The following TRMT11 variants were observed in gnomAD, a reference collection of about 807,000 sequenced individuals.
The protein encoded by TRMT11 is tRNA (guanine(10)-N(2))-methyltransferase TRMT11.
Under a neutral mutation model 62.8 loss-of-function variants are expected in TRMT11, and 53 were observed. That is an observed-to-expected ratio of 0.84 (90% CI 0.68 to 1.06). TRMT11 has a LOEUF of 1.06. TRMT11 is among the 50% of genes least tolerant of loss of function. The pLI is 0.00. For synonymous variants in TRMT11, 188 were observed against 190.3 expected, an observed-to-expected ratio of 0.99 and a Z score of 0.10; for missense variants, 556 against 553.4, an observed-to-expected ratio of 1.00 and a Z score of -0.05.
At chr6:126,262,226 A>G in the TRMT11 span, among the ~76,000 whole-genome samples, 1 of 152,162 alleles carries the variant, frequency 6.6e-6, no homozygotes, top group Non-Finnish European at 1.5e-5. Context: ...AGGGAAGCAG[A>G]GCCGCTGCAG....
chr6:126,058,496 G>A (rs1482257271), intron 17 of TRMT11, among the ~76,000 whole-genome samples: 4 of 152,110 alleles, frequency 2.6e-5, no homozygotes, highest in East Asian at 1.9e-4. Context: ...GGGTCAAATG[G>A]TATTTCTAGT....
the TRMT11 span, among the ~76,000 whole-genome samples, chr6:126,209,442 C>T: frequency 7.9e-5 from 12 of 151,876 alleles, no homozygotes; most frequent in Admixed American, 2.6e-4. Context: ...TGGTGTAGGC[C>T]GGGCGCGGTG....
intron 17 of TRMT11, among the ~76,000 whole-genome samples, chr6:126,098,024 C>G (rs1489424489): frequency 6.6e-6 from 1 of 152,146 alleles, no homozygotes; most frequent in Non-Finnish European, 1.5e-5. Flanking sequence ...TTCCAGAACA[C>G]TAACTGGAAG....
intron 16 of TRMT11, among the ~76,000 whole-genome samples, chr6:126,052,462 A>G (rs1469366642): frequency 2.0e-5 from 3 of 152,170 alleles, no homozygotes; most frequent in Admixed American, 1.3e-4. Context: ...AGGCCAGAAT[A>G]TGGGGAAATT....
At chr6:126,022,106 C>T (rs947477127) in intron 12 of TRMT11, among the ~76,000 whole-genome samples, 1 of 120,902 alleles carries the variant, frequency 8.3e-6, no homozygotes, top group African/African-American at 3.2e-5. Context: ...TTCACCCAGG[C>T]AATCTCGGCT....
intron 17 of TRMT11, among the ~76,000 whole-genome samples, chr6:126,082,364 AAT>A (rs1777166855): frequency 6.6e-6 from 1 of 152,086 alleles, no homozygotes; most frequent in Non-Finnish European, 1.5e-5. Context: ...TTAAAATACT[AAT>A]ATTATATATT....
intron 21 of TRMT11, among the ~76,000 whole-genome samples, chr6:126,171,099 A>G (rs933870038): frequency 1.3e-5 from 2 of 152,164 alleles, no homozygotes; most frequent in Admixed American, 6.5e-5. Flanking sequence ...AGTAATTACT[A>G]TGGAAAGAGG....
the TRMT11 span, among the ~76,000 whole-genome samples, chr6:126,217,517 T>G: frequency 6.6e-6 from 1 of 152,200 alleles, no homozygotes; most frequent in Non-Finnish European, 1.5e-5. Context: ...GGGATGGTCT[T>G]GGATAAGATC....
intron 17 of TRMT11, among the ~76,000 whole-genome samples, chr6:126,053,443 C>T (rs533940064): frequency 6.6e-6 from 1 of 152,318 alleles, no homozygotes; most frequent in South Asian, 2.1e-4. Context: ...TCTATTTCCT[C>T]TTTTATACAG....
chr6:126,077,841 G>C (rs1410558459), intron 17 of TRMT11, among the ~76,000 whole-genome samples: 1 of 152,120 alleles, frequency 6.6e-6, no homozygotes, highest in African/African-American at 2.4e-5. Flanking sequence ...TAAGTTGTGT[G>C]GCACAGACTA....
intron 17 of TRMT11, among the ~76,000 whole-genome samples, chr6:126,075,549 A>G (rs1776997688): frequency 6.6e-6 from 1 of 151,364 alleles, no homozygotes; most frequent in African/African-American, 2.4e-5. Context: ...GCCTTCCTCC[A>G]TGATTGTAAG....
chr6:126,255,881 T>C, the TRMT11 span, among the ~76,000 whole-genome samples: 1 of 152,214 alleles, frequency 6.6e-6, no homozygotes, highest in East Asian at 1.9e-4. Flanking sequence ...AGTTATCTAA[T>C]GCTGTGTGAC....
At chr6:126,035,676 T>C (rs1227283483) in intron 12 of TRMT11, among the ~76,000 whole-genome samples, 3 of 152,134 alleles carry the variant, frequency 2.0e-5, no homozygotes, top group African/African-American at 7.2e-5. Context: ...GCCTTTATTC[T>C]GAGAGGTCTA....
At chr6:126,229,776 C>T in the TRMT11 span, among the ~76,000 whole-genome samples, 16 of 152,160 alleles carry the variant, frequency 1.1e-4, no homozygotes, top group Admixed American at 4.6e-4. Flanking sequence ...TCTTTTGTAC[C>T]GTGCTATTTC....
chr6:126,242,340 G>A, the TRMT11 span, among the ~76,000 whole-genome samples: 606 of 152,244 alleles, frequency 4.0e-3, 5 homozygotes, highest in African/African-American at 0.013. Flanking sequence ...AATCAATATC[G>A]TGAAAATGGC....
At chr6:126,154,339 A>ATGTGTGTG (rs66827988) in intron 21 of TRMT11, among the ~76,000 whole-genome samples, 138 of 122,948 alleles carry the variant, frequency 1.1e-3, no homozygotes, top group African/African-American at 3.7e-3. Context: ...GTGTGTGTGT[A>ATGTGTGTG]TGTGTGTGTG....
At chr6:126,146,862 T>TTGAATTGGGCCTGGAAGAGTGGGTAG (rs369073111) in intron 21 of TRMT11, among the ~76,000 whole-genome samples, 14 of 114,878 alleles carry the variant, frequency 1.2e-4, no homozygotes, top group South Asian at 7.5e-4. Context: ...AAGTAGTAAC[T>TTGAATTGGGCCTGGAAGAGTGGGTAG]ACTGATATTA....
intron 16 of TRMT11, among the ~76,000 whole-genome samples, chr6:126,048,509 G>A (rs926138184): frequency 1.3e-5 from 2 of 152,072 alleles, no homozygotes; most frequent in African/African-American, 2.4e-5. Context: ...TAGAACTGTC[G>A]GGGTCACTCA....
In TRMT11 at chr6:126,013,108, A is replaced by G; in HGVS notation, c.1139+7A>G. On this transcript the variant is annotated splice_region_variant and intron_variant, in intron 11 of 12. Transcript: ENST00000334379. ...TACCGGTGTATACGCCAGAGTATGT[A>G]ATCTTAATTTTATTTTTAATTTCAT... 1 of 1,592,310 alleles carries G rather than the reference A, an allele frequency of 6.3e-7. No individual in the cohort carries two copies. Among genetic ancestry groups the G allele is most frequent in the Non-Finnish European group, 8.5e-7 (1 of 1,173,606 alleles).
Sources: gnomAD v4.1 joint callset for allele counts (sites outside exome capture counted in the v4.1 genomes callset) on GRCh38, gnomAD v4.1.1 for gene constraint, MANE v1.5 for transcripts, NCBI Gene and HGNC (gene_info 2026-07-23, HGNC 2026-07-21) for gene names.